BCAR3: variants seen among roughly 807,000 people sequenced by gnomAD.
BCAR3 encodes breast cancer anti-estrogen resistance protein 3.
A neutral mutation model predicts 80.1 loss-of-function variants in BCAR3; 37 were observed. The ratio of observed to expected loss-of-function variants is 0.46; its 90% CI spans 0.36 to 0.61. BCAR3 has a LOEUF of 0.61. Among genes scored for constraint, BCAR3 ranks in the 20% least tolerant of loss-of-function variants. The probability of loss-of-function intolerance (pLI) is 0.00; values close to 1 mark genes in which losing one functional copy is unlikely to be tolerated. For synonymous variants in BCAR3, 389 were observed against 418.9 expected (o/e 0.93, Z 0.87); for missense variants, 978 against 1,068.2 (o/e 0.92, Z 1.18).
intron 2 of BCAR3, among the ~76,000 whole-genome samples, chr1:93,773,773 CT>C (rs1170568758): frequency 1.3e-5 from 2 of 152,170 alleles, no homozygotes; most frequent in African/African-American, 4.8e-5. Flanking sequence ...TCCATTAGCT[CT>C]TTTTTTCTTA....
intron 3 of BCAR3, among the ~76,000 whole-genome samples, chr1:93,635,511 C>A (rs1409067686): frequency 6.6e-6 from 1 of 152,196 alleles, no homozygotes; most frequent in Non-Finnish European, 1.5e-5. Flanking sequence ...CATCCTACCT[C>A]AGCATTTTTA....
intron 3 of BCAR3, among the ~76,000 whole-genome samples, chr1:93,618,348 G>A (rs766726407): frequency 3.9e-5 from 6 of 152,330 alleles, no homozygotes; most frequent in Non-Finnish European, 7.3e-5. Context: ...GATTCCTCAA[G>A]GGGATGAAAG....
chr1:93,689,688 G>A (rs1228935863), intron 3 of BCAR3, among the ~76,000 whole-genome samples: 1 of 152,164 alleles, frequency 6.6e-6, no homozygotes, highest in Non-Finnish European at 1.5e-5. Flanking sequence ...ATGGCCACCT[G>A]ACTGCCTTCT....
upstream of BCAR3, among the ~76,000 whole-genome samples, chr1:93,683,169 CA>C (rs947077934): frequency 1.3e-5 from 2 of 152,178 alleles, no homozygotes; most frequent in Non-Finnish European, 2.9e-5. Context: ...CAATTAAAAA[CA>C]GGCAGAATAT....
chr1:93,657,408 T>C (rs1378160477), intron 2 of BCAR3, among the ~76,000 whole-genome samples: 1 of 152,190 alleles, frequency 6.6e-6, no homozygotes, highest in Non-Finnish European at 1.5e-5. Context: ...GAAAATTATA[T>C]GAACTCTTCC....
chr1:93,810,682 T>G (rs139351842), intron 2 of BCAR3, among the ~76,000 whole-genome samples: 1 of 152,316 alleles, frequency 6.6e-6, no homozygotes, highest in East Asian at 1.9e-4. Flanking sequence ...CGTGCCCAGA[T>G]AGTACTGGCT....
intron 3 of BCAR3, among the ~76,000 whole-genome samples, chr1:93,636,021 G>A (rs1406523885): frequency 1.3e-5 from 2 of 152,132 alleles, no homozygotes; most frequent in Middle Eastern, 3.2e-3. Flanking sequence ...TCTTGGCATT[G>A]GAATTTGCAT....
intron 3 of BCAR3, among the ~76,000 whole-genome samples, chr1:93,636,914 T>G (rs375113090): frequency 6.6e-6 from 1 of 151,814 alleles, no homozygotes; most frequent in East Asian, 1.9e-4. Flanking sequence ...CTGGGCAACA[T>G]AGTGAGACCC....
intron 2 of BCAR3, among the ~76,000 whole-genome samples, chr1:93,739,496 T>A (rs1651105220): frequency 2.0e-5 from 3 of 152,206 alleles, no homozygotes. Context: ...CAAAAATGTA[T>A]AGTGTCATCT....
At chr1:93,844,030 T>A (rs1350562016) in intron 2 of BCAR3, among the ~76,000 whole-genome samples, 2 of 152,112 alleles carry the variant, frequency 1.3e-5, no homozygotes, top group Non-Finnish European at 2.9e-5. Context: ...TTAAAAATAA[T>A]CCTGCTGGCC....
chr1:93,800,273 C>T (rs566423782), intron 2 of BCAR3, among the ~76,000 whole-genome samples: 32 of 152,112 alleles, frequency 2.1e-4, no homozygotes, highest in African/African-American at 7.2e-4. Flanking sequence ...AGGGATTTGG[C>T]TTAATAAAGC....
chr1:93,689,531 CA>C (rs59833848), intron 3 of BCAR3, among the ~76,000 whole-genome samples: 40,247 of 115,796 alleles, frequency 0.35, 8,224 homozygotes, highest in African/African-American at 0.63. Flanking sequence ...AACTACATCT[CA>C]AAAAAAAAAA....
intron 3 of BCAR3, among the ~76,000 whole-genome samples, chr1:93,601,171 T>C (rs1035923478): frequency 3.3e-5 from 5 of 152,192 alleles, no homozygotes; most frequent in Admixed American, 6.5e-5. Context: ...GGATGCTCGC[T>C]TGACACAATG....
At chr1:93,751,992 T>C (rs1360268862) in intron 2 of BCAR3, among the ~76,000 whole-genome samples, 1 of 152,244 alleles carries the variant, frequency 6.6e-6, no homozygotes, top group East Asian at 1.9e-4. Context: ...ATGCATCTCT[T>C]TGCTGTGCAC....
At chr1:93,772,042 G>A (rs1198787353) in intron 2 of BCAR3, among the ~76,000 whole-genome samples, 2 of 152,280 alleles carry the variant, frequency 1.3e-5, no homozygotes, top group East Asian at 1.9e-4. Context: ...CGGAAGGCTA[G>A]GCATTTCAAA....
At chr1:93,718,867 TG>T (rs1650284175) in intron 2 of BCAR3, among the ~76,000 whole-genome samples, 1 of 151,106 alleles carries the variant, frequency 6.6e-6, no homozygotes, top group Admixed American at 6.6e-5. Flanking sequence ...AGCTAATTTT[TG>T]TATTTTTTTT....
chr1:93,782,175 G>A (rs1652784892), intron 2 of BCAR3, among the ~76,000 whole-genome samples: 2 of 152,340 alleles, frequency 1.3e-5, no homozygotes, highest in South Asian at 4.1e-4. Flanking sequence ...CACCAAGGCT[G>A]TCCTTTAATC....
At chr1:93,706,765 T>C (rs553439144) in intron 2 of BCAR3, among the ~76,000 whole-genome samples, 1 of 152,332 alleles carries the variant, frequency 6.6e-6, no homozygotes, top group Non-Finnish European at 1.5e-5. Flanking sequence ...AGTCCAATAA[T>C]GGAGAATTAC....
chr1:93,589,555 T>C, intron 4 of BCAR3, 136 bp from the exon 5 acceptor site: 2 of 766,322 alleles, frequency 2.6e-6, no homozygotes, highest in Non-Finnish European at 4.1e-6. Context: ...CTTTAGTTTT[T>C]CAAAGATCAA....
Sources: allele counts gnomAD v4.1 joint callset (sites outside exome capture counted in the v4.1 genomes callset), GRCh38; gene constraint gnomAD v4.1.1; transcripts MANE v1.5; gene names NCBI Gene and HGNC (gene_info 2026-07-23, HGNC 2026-07-21).